Variants in UTS2 observed in about 807,000 individuals in gnomAD.
UTS2 encodes urotensin-2.
In UTS2, 10 loss-of-function variants were observed where a neutral mutation model predicts 12.6. That is an observed-to-expected ratio of 0.80 (90% confidence interval 0.49 to 1.35). The LOEUF (loss-of-function observed/expected upper bound fraction) is 1.35, where lower values mean the gene tolerates loss of function less well. UTS2 is among the 40% of genes most tolerant of loss of function. The pLI, the probability that UTS2 is intolerant of heterozygous loss-of-function variation, is 0.00. For synonymous variants in UTS2, 52 were observed against 50.0 expected, an observed-to-expected ratio of 1.04 and a Z score of -0.17; for missense variants, 142 against 143.2, an observed-to-expected ratio of 0.99 and a Z score of 0.04.
chr1:7,858,544 C>A, the UTS2 span, among the ~76,000 whole-genome samples: 5 of 152,248 alleles, frequency 3.3e-5, no homozygotes, highest in Admixed American at 2.0e-4. Flanking sequence ...CCTGATGACA[C>A]GTTTGTCGTT....
At chr1:7,875,194 C>T in the UTS2 span, among the ~76,000 whole-genome samples, 8,262 of 152,062 alleles carry the variant, frequency 0.054, 995 homozygotes, top group East Asian at 0.46. Context: ...CCTGCCTCAG[C>T]CTCCCGAGTA....
chr1:7,888,083 C>T, the UTS2 span, among the ~76,000 whole-genome samples: 2 of 152,222 alleles, frequency 1.3e-5, no homozygotes, highest in African/African-American at 2.4e-5. Context: ...TCACGTTGAA[C>T]ACTTGCTTCT....
chr1:7,911,718 A>G, the UTS2 span, among the ~76,000 whole-genome samples: 1 of 152,136 alleles, frequency 6.6e-6, no homozygotes, highest in African/African-American at 2.4e-5. Flanking sequence ...CCTGGCCAAC[A>G]TGGCGAAACC....
upstream of UTS2, among the ~76,000 whole-genome samples, chr1:7,854,625 A>G (rs1300687850): frequency 6.6e-6 from 1 of 152,118 alleles, no homozygotes; most frequent in East Asian, 1.9e-4. Flanking sequence ...TTTCTTAGAC[A>G]AGACACAAAT....
At chr1:7,890,967 A>ACCCTC in the UTS2 span, among the ~76,000 whole-genome samples, 1 of 135,784 alleles carries the variant, frequency 7.4e-6, no homozygotes, top group Non-Finnish European at 1.6e-5. Flanking sequence ...GATACCCTCC[A>ACCCTC]CCCCCCCCCA....
chr1:7,850,304 ATATGTG>A (rs1446155171), intron 2 of UTS2, among the ~76,000 whole-genome samples: 2 of 152,118 alleles, frequency 1.3e-5, no homozygotes, highest in Non-Finnish European at 2.9e-5. Context: ...CTTCCTGAGC[ATATGTG>A]TCAATGCTTG....
At chr1:7,909,156 CT>C in the UTS2 span, among the ~76,000 whole-genome samples, 12 of 152,170 alleles carry the variant, frequency 7.9e-5, no homozygotes, top group Non-Finnish European at 1.6e-4. Flanking sequence ...CACCAGGTCC[CT>C]CCCAGGACAC....
chr1:7,904,308 A>ATT, the UTS2 span, among the ~76,000 whole-genome samples: 218 of 139,016 alleles, frequency 1.6e-3, 4 homozygotes, highest in South Asian at 0.012. Flanking sequence ...TCTACAAAAA[A>ATT]TAAAAAAAAA....
chr1:7,854,384 A>G, upstream of UTS2, among the ~76,000 whole-genome samples: 1 of 151,472 alleles, frequency 6.6e-6, no homozygotes, highest in South Asian at 2.1e-4. Context: ...GTCTCTACCA[A>G]AAATACAACA....
rs2097409140 is a variant in UTS2 at position 7,847,709 on chromosome 1, A to G, written c.*57T>C. 1.5e-6 allele frequency: 2 copies of G among 1,355,148 alleles called. No individual in the cohort carries two copies. Among genetic ancestry groups the G allele is most frequent in the East Asian group, 2.3e-5 (1 of 43,482 alleles). The allele number at this position is 1,355,148 out of a possible 1,614,324, so 83.9% of individuals were successfully genotyped here. A position where few individuals can be genotyped will look rare whatever the true frequency, so the allele number is the denominator to read the frequency against. Reference sequence around the variant, plus strand: ...CTGTTTTCAAATCAAGCATTGTGTTATTTTTCATATTCTAAGATGGGTGTT... The same window carrying G: ...CTGTTTTCAAATCAAGCATTGTGTTGTTTTTCATATTCTAAGATGGGTGTT... On this transcript the variant is annotated 3_prime_UTR_variant, in exon 4 of 4. Coordinates refer to ENST00000361696, the MANE Select transcript of UTS2 (RefSeq NM_006786.4).
the UTS2 span, among the ~76,000 whole-genome samples, chr1:7,887,592 CAAAAAAAA>C: frequency 1.9e-4 from 12 of 62,438 alleles, no homozygotes; most frequent in Admixed American, 6.0e-4. Flanking sequence ...CCAGTCTCTA[CAAAAAAAA>C]AAAAAAAAAA....
the UTS2 span, among the ~76,000 whole-genome samples, chr1:7,871,766 C>T: frequency 6.6e-6 from 1 of 151,992 alleles, no homozygotes; most frequent in Admixed American, 6.6e-5. Context: ...TGTTACTATT[C>T]GAATTGTTTG....
At chr1:7,848,344 C>T (rs1415185336) in intron 3 of UTS2, among the ~76,000 whole-genome samples, 1 of 151,938 alleles carries the variant, frequency 6.6e-6, no homozygotes, top group Admixed American at 6.6e-5. Context: ...GAGGCTGAGG[C>T]ATTAGAATTG....
chr1:7,873,028 C>G, the UTS2 span, among the ~76,000 whole-genome samples: 3 of 152,212 alleles, frequency 2.0e-5, no homozygotes, highest in African/African-American at 7.2e-5. Context: ...GCTAAATCTA[C>G]TCTCCCTGTG....
At chr1:7,858,640 G>A in the UTS2 span, among the ~76,000 whole-genome samples, 2 of 151,916 alleles carry the variant, frequency 1.3e-5, no homozygotes, top group African/African-American at 2.4e-5. Context: ...GCAGTGGTGC[G>A]ATCTCAGCTT....
the UTS2 span, among the ~76,000 whole-genome samples, chr1:7,863,178 C>G: frequency 6.6e-6 from 1 of 151,752 alleles, no homozygotes; most frequent in Admixed American, 6.6e-5. Flanking sequence ...ATGGCGCAAT[C>G]TTGGCTCACT....
the UTS2 span, among the ~76,000 whole-genome samples, chr1:7,894,473 C>A: frequency 1.4e-4 from 21 of 152,260 alleles, no homozygotes; most frequent in East Asian, 4.1e-3. Context: ...CGTGCCCGAC[C>A]TCTTCTCTGA....
At chr1:7,877,969 C>A in the UTS2 span, among the ~76,000 whole-genome samples, 1 of 152,100 alleles carries the variant, frequency 6.6e-6, no homozygotes, top group Non-Finnish European at 1.5e-5. Flanking sequence ...TAGCTTCAAC[C>A]CAAAAAGATC....
rs1289470331 is a variant in UTS2, at chr1:7,847,874, A to C, written c.267T>G (p.Asp89Glu). ...NPRGNLRKFQDFSGQDPNILL... is the reference protein window; with the variant it reads ...NPRGNLRKFQEFSGQDPNILL... ...AAATGTTAGGATCTTGTCCAGAGAA[A>C]TCCTGAAACTAAAACAATCCAAACG... Residue 89 changes from aspartate (D) to glutamate (E), a missense_variant, in exon 4 of 4, where the codon GAT becomes GAG. Physicochemically the swap from Asp to Glu is conservative, Grantham distance 45. Transcript: ENST00000361696. The C allele has an allele frequency of 3.7e-6, 6 of 1,609,158 alleles. No individual in the cohort carries two copies. The Admixed American group carries it at 1.0e-4, about 27-fold the overall frequency.
Sources: allele counts gnomAD v4.1 joint callset (sites outside exome capture counted in the v4.1 genomes callset), GRCh38; gene constraint gnomAD v4.1.1; transcripts MANE v1.5; gene names NCBI Gene and HGNC (gene_info 2026-07-23, HGNC 2026-07-21).